GLIS3: variants seen among roughly 807,000 people sequenced by gnomAD.
GLIS3 encodes the protein GLIS family zinc finger 3.
Under a neutral mutation model 78.6 loss-of-function variants are expected in GLIS3, and 53 were observed. The observed-to-expected ratio is 0.67, with a 90% CI of 0.54 to 0.85. The LOEUF (loss-of-function observed/expected upper bound fraction) is 0.85. Ranked by LOEUF, GLIS3 falls within the 40% of genes least tolerant of loss-of-function variation. GLIS3 has a pLI of 0.00. For missense variants in GLIS3, 1,703 were observed against 1,231.1 expected (o/e 1.38, Z -5.74); for synonymous variants, 684 against 509.9 (o/e 1.34, Z -4.60).
the GLIS3 span, among the ~76,000 whole-genome samples, chr9:4,454,553 C>G: frequency 6.6e-6 from 1 of 152,090 alleles, no homozygotes; most frequent in Non-Finnish European, 1.5e-5. Context: ...TGATAGTATG[C>G]GAGGGAGGAT....
At chr9:4,268,565 A>G (rs931118039) in intron 2 of GLIS3, among the ~76,000 whole-genome samples, 4 of 152,232 alleles carry the variant, frequency 2.6e-5, no homozygotes, top group Admixed American at 2.6e-4. Context: ...AAGTAGTCCC[A>G]TCATTCTAGG....
intron 2 of GLIS3, among the ~76,000 whole-genome samples, chr9:4,235,534 G>A (rs1468706274): frequency 6.6e-6 from 1 of 152,174 alleles, no homozygotes; most frequent in African/African-American, 2.4e-5. Context: ...GTGCCAAACA[G>A]AGCAGAAGAA....
chr9:4,359,382 G>A, the GLIS3 span, among the ~76,000 whole-genome samples: 2 of 152,120 alleles, frequency 1.3e-5, no homozygotes, highest in East Asian at 1.9e-4. Flanking sequence ...AGAAACAGCT[G>A]CTTACCTTCC....
upstream of GLIS3, among the ~76,000 whole-genome samples, chr9:4,351,080 T>C (rs903698050): frequency 3.3e-5 from 5 of 152,132 alleles, no homozygotes; most frequent in Non-Finnish European, 7.3e-5. Flanking sequence ...AATCCATTTC[T>C]TTCTGATTCT....
At chr9:3,839,740 C>A (rs570247587) in intron 9 of GLIS3, among the ~76,000 whole-genome samples, 2 of 152,270 alleles carry the variant, frequency 1.3e-5, no homozygotes, top group East Asian at 3.9e-4. Flanking sequence ...AATTTAAATA[C>A]AATCTTGCCA....
chr9:4,235,242 T>G (rs560089915), intron 2 of GLIS3, among the ~76,000 whole-genome samples: 10 of 145,000 alleles, frequency 6.9e-5, no homozygotes, highest in Admixed American at 4.2e-4. Context: ...GAGGTTGCAG[T>G]GATCCGAGAT....
intron 4 of GLIS3, among the ~76,000 whole-genome samples, chr9:3,969,629 T>A (rs1818228310): frequency 1.3e-5 from 2 of 152,222 alleles, no homozygotes; most frequent in African/African-American, 4.8e-5. Flanking sequence ...AAGCCCAGGA[T>A]AGCTCTTTGA....
chr9:3,879,872 A>ATAAT (rs568837425), intron 7 of GLIS3, among the ~76,000 whole-genome samples: 116 of 152,214 alleles, frequency 7.6e-4, no homozygotes, highest in African/African-American at 2.7e-3. Context: ...TGGACACTGT[A>ATAAT]TAATTAGTCA....
At chr9:4,336,270 C>A (rs1008547970) in intron 2 of GLIS3, among the ~76,000 whole-genome samples, 1 of 152,218 alleles carries the variant, frequency 6.6e-6, no homozygotes, top group African/African-American at 2.4e-5. Context: ...TGGGTTTCCT[C>A]TTCTTTAGCT....
intron 2 of GLIS3, among the ~76,000 whole-genome samples, chr9:4,316,607 G>T (rs1026097198): frequency 6.6e-6 from 1 of 152,130 alleles, no homozygotes; most frequent in African/African-American, 2.4e-5. Context: ...GTGCATGCTA[G>T]GTGAATCAGC....
chr9:4,286,594 C>T, intron 1 of GLIS3, 71 bp from the exon 2 acceptor site: 1 of 770,704 alleles, frequency 1.3e-6, no homozygotes, highest in East Asian at 2.7e-5. Flanking sequence ...GTTTTTCAAC[C>T]TGTGTATCAT....
chr9:4,091,881 T>C (rs1334695889), intron 4 of GLIS3, among the ~76,000 whole-genome samples: 1 of 152,036 alleles, frequency 6.6e-6, no homozygotes, highest in African/African-American at 2.4e-5. Flanking sequence ...AAACATACTA[T>C]GGTATGGTAT....
intron 4 of GLIS3, among the ~76,000 whole-genome samples, chr9:3,998,704 A>G (rs976159796): frequency 8.0e-5 from 12 of 150,746 alleles, no homozygotes; most frequent in African/African-American, 2.9e-4. Flanking sequence ...TTCTGTTTCC[A>G]TTCAGTTTTA....
chr9:4,210,339 G>A (rs774570361), intron 2 of GLIS3, among the ~76,000 whole-genome samples: 23 of 152,158 alleles, frequency 1.5e-4, no homozygotes, highest in Non-Finnish European at 2.8e-4. Flanking sequence ...TGTTATCAGC[G>A]AAGTTCAGCA....
At chr9:4,339,320 T>A (rs10739049) in intron 2 of GLIS3, among the ~76,000 whole-genome samples, 112,362 of 152,144 alleles carry the variant, frequency 0.74, 43,478 homozygotes, top group Non-Finnish European at 0.85. Context: ...GAGAAAATGT[T>A]TCATTTTGAA....
At chr9:4,418,664 A>C in the GLIS3 span, among the ~76,000 whole-genome samples, 53 of 152,234 alleles carry the variant, frequency 3.5e-4, no homozygotes, top group African/African-American at 1.2e-3. Context: ...ACGCCACTGC[A>C]CTCCAGCCTG....
intron 4 of GLIS3, among the ~76,000 whole-genome samples, chr9:4,081,907 A>T (rs377110299): frequency 6.6e-6 from 1 of 152,226 alleles, no homozygotes; most frequent in East Asian, 1.9e-4. Context: ...ATGAAGGCAA[A>T]ATACTCCTAG....
intron 6 of GLIS3, among the ~76,000 whole-genome samples, chr9:3,901,521 A>T (rs905888533): frequency 2.6e-5 from 4 of 152,238 alleles, no homozygotes; most frequent in African/African-American, 9.6e-5. Context: ...ACTGGCAATG[A>T]CGATGACCAA....
intron 4 of GLIS3, among the ~76,000 whole-genome samples, chr9:4,023,800 A>G (rs1456009195): frequency 6.6e-6 from 1 of 152,188 alleles, no homozygotes; most frequent in East Asian, 1.9e-4. Context: ...CATGTGACTG[A>G]GGGTGCTGGT....
Sources: gnomAD v4.1 joint callset for allele counts (sites outside exome capture counted in the v4.1 genomes callset) on GRCh38, gnomAD v4.1.1 for gene constraint, MANE v1.5 for transcripts, NCBI Gene and HGNC (gene_info 2026-07-23, HGNC 2026-07-21) for gene names.